HERC6: variants seen among roughly 807,000 people sequenced by gnomAD.
The protein encoded by HERC6 is probable E3 ubiquitin-protein ligase HERC6.
HERC6 carries 101 observed loss-of-function variants against 114.5 expected under a neutral mutation model. That is an observed-to-expected ratio of 0.88 (90% CI 0.75 to 1.04). The LOEUF is 1.04. Among genes scored for constraint, HERC6 ranks in the 50% least tolerant of loss-of-function variants. The pLI, the probability that HERC6 is intolerant of heterozygous loss-of-function variation, is 0.00. For missense variants in HERC6, 1,133 were observed against 1,230.9 expected (o/e 0.92, Z 1.19); for synonymous variants, 408 against 436.2 (o/e 0.94, Z 0.81).
chr4:88,386,485 C>T (rs1439019105), intron 3 of HERC6, among the ~76,000 whole-genome samples: 2 of 152,046 alleles, frequency 1.3e-5, no homozygotes, highest in African/African-American at 2.4e-5. Context: ...GGGTTACAGG[C>T]GTGAGCCACT....
chr4:88,420,582 T>C lies in HERC6; in HGVS notation c.1713+3003T>C, dbSNP rs868012113. Among the ~76,000 whole-genome samples the C allele has an allele frequency of 4.6e-5, 7 of 152,330 alleles. No individual in the cohort carries two copies. In the South Asian group the frequency reaches 1.2e-3, roughly 27 times the overall value. On this transcript the variant is annotated intron_variant, in intron 13 of 22. Coordinates refer to ENST00000264346, the MANE Select transcript of HERC6 (RefSeq NM_017912.4). ...TTGCAGTCTTTTATTAGATAAATCA[T>C]GAGTACTTGATATTTTATGTGGTTA... is the stretch of plus-strand genomic sequence containing the variant.
At chr4:88,423,187 T>C (rs930426368) in intron 13 of HERC6, among the ~76,000 whole-genome samples, 3 of 152,116 alleles carry the variant, frequency 2.0e-5, no homozygotes, top group African/African-American at 7.2e-5. Flanking sequence ...TGTTCTTAAG[T>C]TTCTTATTTC....
chr4:88,383,511 C>T lies in HERC6; in HGVS notation c.359+131C>T, dbSNP rs1578366287. ...CAGTGGTTCATGTCTGTAATCCCAA[C>T]ACTTTGGAAGGCTAAGGTGGGCAGA... On this transcript the variant is annotated intron_variant, in intron 2 of 22. Transcript: ENST00000264346. 8 of 671,488 alleles carry T rather than the reference C, an allele frequency of 1.2e-5. No homozygotes were observed. In the East Asian group the frequency reaches 2.8e-4, roughly 24 times the overall value. The allele number at this position is 671,488 out of a possible 1,614,324, so 41.6% of individuals were successfully genotyped here. A position where few individuals can be genotyped will look rare whatever the true frequency, so the allele number is the denominator to read the frequency against.
At chr4:88,434,968 A>T (rs1167438814) in intron 17 of HERC6, among the ~76,000 whole-genome samples, 1 of 152,178 alleles carries the variant, frequency 6.6e-6, no homozygotes, top group Non-Finnish European at 1.5e-5. Flanking sequence ...TTATTTTCAC[A>T]ATTAAATAAA....
chr4:88,390,887 G>C lies in HERC6; in HGVS notation c.664+8G>C, dbSNP rs779820110. The C allele has an allele frequency of 3.7e-6, 6 of 1,604,168 alleles. No homozygotes were observed. The highest frequency in any genetic ancestry group is 4.3e-6 in the Non-Finnish European group (5 of 1,173,480). On this transcript the variant is annotated splice_region_variant and intron_variant, in intron 4 of 22. Transcript: ENST00000264346. ...GTGGGCGTAATGTCCCAGGTAAGGA[G>C]ATAGTCTTGTTTGTGCAGTAAATCA...
intron 22 of HERC6, 91 bp downstream of exon 22, chr4:88,440,341 T>A: frequency 1.4e-6 from 1 of 739,880 alleles, no homozygotes; most frequent in Admixed American, 2.6e-5. Flanking sequence ...AGTGGCCTCA[T>A]TGTCTGGGGT....
At chr4:88,424,756 GAT>G in intron 15 of HERC6, 54 bp downstream of exon 15, 1 of 1,045,452 alleles carries the variant, frequency 9.6e-7, no homozygotes, top group Non-Finnish European at 1.4e-6. Flanking sequence ...ATAAAATAGA[GAT>G]AGTGGTATAA....
intron 13 of HERC6, among the ~76,000 whole-genome samples, chr4:88,417,783 GT>G (rs1736635091): frequency 6.6e-6 from 1 of 152,072 alleles, no homozygotes; most frequent in African/African-American, 2.4e-5. Context: ...AAGATGTTTT[GT>G]AATGGACTTC....
chr4:88,390,528 GA>G, intron 3 of HERC6, 123 bp from the exon 4 acceptor site: 1 of 868,172 alleles, frequency 1.2e-6, no homozygotes, highest in Non-Finnish European at 1.7e-6. Flanking sequence ...TTAAATAGAT[GA>G]AATTTTTATT....
At chr4:88,442,094 C>T in intron 22 of HERC6, 140 bp from the exon 23 acceptor site, 2 of 661,196 alleles carry the variant, frequency 3.0e-6, no homozygotes, top group East Asian at 5.4e-5. Context: ...GATTTTTATA[C>T]ATTCAACATG....
chr4:88,397,624 G>A (rs1370961492), intron 7 of HERC6, among the ~76,000 whole-genome samples: 1 of 151,910 alleles, frequency 6.6e-6, no homozygotes, highest in Admixed American at 6.6e-5. Context: ...TTGAACCAAG[G>A]AGGTGGAGGT....
intron 1 of HERC6, among the ~76,000 whole-genome samples, chr4:88,380,268 TATATATAATATATAAATATATA>T (rs1734194171): frequency 1.4e-5 from 1 of 72,992 alleles, no homozygotes; most frequent in East Asian, 3.3e-4. Context: ...AATATATAAA[TATATATAATATATAAATATATA>T]ATATATAAAT....
chr4:88,417,679 A>C, intron 13 of HERC6, 100 bp downstream of exon 13: 1 of 963,800 alleles, frequency 1.0e-6, no homozygotes, highest in Non-Finnish European at 1.5e-6. Flanking sequence ...AAAAATCATG[A>C]GGAGTCAAAT....
At chr4:88,434,765 C>CAAA (rs761784879) in intron 17 of HERC6, among the ~76,000 whole-genome samples, 27 of 103,294 alleles carry the variant, frequency 2.6e-4, no homozygotes, top group East Asian at 9.9e-4. Context: ...AAAACAGAGA[C>CAAA]AAAAAAAAAA....
intron 11 of HERC6, among the ~76,000 whole-genome samples, chr4:88,410,744 C>G (rs576552106): frequency 5.9e-5 from 9 of 152,210 alleles, no homozygotes; most frequent in Admixed American, 3.3e-4. Flanking sequence ...CCCTGAACAG[C>G]TAGGGATAAG....
At position 88,385,551 on chromosome 4, in the gene HERC6, TACC is replaced by T; in HGVS notation, c.415_417del (p.His139del). The T allele has an allele frequency of 1.3e-6, 2 of 1,504,900 alleles. No homozygotes were observed. The highest frequency in any genetic ancestry group is 1.8e-6 in the Non-Finnish European group (2 of 1,120,698). The allele number at this position is 1,504,900 out of a possible 1,614,324, so 93.2% of individuals were successfully genotyped here. ...AATAATACAAGTTTCCTGTGGACAC[TACC>T]ACTCCCTGGCATTATCAAAAGGTAA... On this transcript the variant is annotated inframe_deletion, in exon 3 of 23. Coordinates refer to ENST00000264346, the MANE Select transcript of HERC6 (RefSeq NM_017912.4).
intron 15 of HERC6, among the ~76,000 whole-genome samples, chr4:88,427,772 A>G: frequency 6.6e-6 from 1 of 152,204 alleles, no homozygotes; most frequent in Non-Finnish European, 1.5e-5. Context: ...GACAGGCCCT[A>G]TGAGGGCTAC....
chr4:88,386,199 C>CTTTTTTTTTTTTTTTTT (rs1262540915), intron 3 of HERC6, among the ~76,000 whole-genome samples: 1 of 131,940 alleles, frequency 7.6e-6, no homozygotes, highest in Non-Finnish European at 1.6e-5. Flanking sequence ...TTTTTCTTTT[C>CTTTTTTTTTTTTTTTTT]TTTTTTTTTT....
At position 88,437,712 on chromosome 4, in the gene HERC6, T is replaced by C; in HGVS notation, c.2486T>C (p.Ile829Thr). The change falls in exon 20 of 23, where the codon ATA (isoleucine) becomes ACA (threonine). Residue 829 changes from isoleucine to threonine, a missense_variant and splice_region_variant. Coordinates refer to ENST00000264346, the MANE Select transcript of HERC6 (RefSeq NM_017912.4). ...IGDALCIRFSIHWDQNDVDLI... is the reference protein window; with the variant it reads ...IGDALCIRFSTHWDQNDVDLI... ...TACCTGAATACATTTTGGTTACAGA[T>C]ACACTGGGACCAAAATGATGTTGAC... 6.3e-7 allele frequency: 1 copy of C among 1,596,234 alleles called. No individual in the cohort carries two copies. The highest frequency in any genetic ancestry group is 2.2e-5 in the East Asian group (1 of 44,582).
Sources: allele counts gnomAD v4.1 joint callset (sites outside exome capture counted in the v4.1 genomes callset), GRCh38; gene constraint gnomAD v4.1.1; transcripts MANE v1.5; gene names NCBI Gene and HGNC (gene_info 2026-07-23, HGNC 2026-07-21).